TYRO3: variants seen among roughly 807,000 people sequenced by gnomAD.
TYRO3 encodes tyrosine-protein kinase receptor TYRO3.
In TYRO3, 38 loss-of-function variants were observed where a neutral mutation model predicts 95.2. The ratio of observed to expected loss-of-function variants is 0.40; its 90% CI spans 0.31 to 0.52. The LOEUF (loss-of-function observed/expected upper bound fraction) is 0.52. TYRO3 is among the 20% of genes least tolerant of loss of function. The pLI is 0.56. For synonymous variants in TYRO3, 367 were observed against 432.9 expected (o/e 0.85, Z 1.89); for missense variants, 812 against 1,116.4 (o/e 0.73, Z 3.89).
Position 41,573,715 on chromosome 15 carries a change from C to T in TYRO3, c.2182C>T (p.Arg728Cys), listed in dbSNP as rs148896634. The T allele has an allele frequency of 2.6e-5, 42 of 1,614,246 alleles. No individual in the cohort carries two copies. The highest frequency in any genetic ancestry group is 2.3e-4 in the Admixed American group (14 of 60,028). The change falls in exon 18 of 19, where the codon CGT becomes TGT. Residue 728 changes from arginine to cysteine, a missense_variant. Transcript: ENST00000263798. ...GGTGACCATGTGGGAGATCATGACA[C>T]GTGGGCAGACGCCATATGCTGGCAT... ...FGVTMWEIMT[R>C]GQTPYAGIEN...
In TYRO3 at chr15:41,580,655, G is replaced by A. The variant is rs966738709; in HGVS notation, c.*2379G>A. 5.4e-5 allele frequency: 8 copies of A among 147,512 alleles called. No homozygotes were observed. Among genetic ancestry groups the A allele is most frequent in the South Asian group, 2.1e-4 (1 of 4,696 alleles). 9.1% of individuals were successfully genotyped at this position (147,512 alleles called of 1,614,324 possible). On this transcript the variant is annotated 3_prime_UTR_variant, in exon 19 of 19. Coordinates refer to ENST00000263798, the MANE Select transcript of TYRO3 (RefSeq NM_006293.4). ...TTTTTTTTTTTTGAGACGGAGTCTC[G>A]AGTCTCTCTCTGTCGCCCAGGCTAG...
At position 41,562,601 on chromosome 15, in the gene TYRO3, C is replaced by A; in HGVS notation, c.463C>A (p.Pro155Thr). The change falls in exon 4 of 19, where the codon CCT becomes ACT. Residue 155 changes from proline (P) to threonine (T), a missense_variant. By Grantham distance (38) the Pro-to-Thr change is conservative. Coordinates refer to ENST00000263798, the MANE Select transcript of TYRO3 (RefSeq NM_006293.4). ...PKDLAVPPNA[P>T]FQLSCEAVGP... ...AGATCTGGCAGTGCCACCCAATGCCCCTTTCCAACTGTCTTGTGAGGCTGT... is the reference window on the plus strand; with the variant it reads ...AGATCTGGCAGTGCCACCCAATGCCACTTTCCAACTGTCTTGTGAGGCTGT... 6 of 1,613,712 alleles carry A rather than the reference C, an allele frequency of 3.7e-6. No individual in the cohort carries two copies. Among genetic ancestry groups the A allele is most frequent in the Non-Finnish European group, 5.1e-6 (6 of 1,180,052 alleles).
intron 17 of TYRO3, 100 bp downstream of exon 17, chr15:41,573,567 G>A: frequency 6.4e-7 from 1 of 1,568,278 alleles, no homozygotes; most frequent in African/African-American, 1.4e-5. Flanking sequence ...GGGTTTGGTT[G>A]CCCCCTGATG....
At chr15:41,575,725 T>C (rs1374931208) in intron 18 of TYRO3, among the ~76,000 whole-genome samples, 1 of 152,182 alleles carries the variant, frequency 6.6e-6, no homozygotes, top group Admixed American at 6.5e-5. Flanking sequence ...ATTAGGTTTT[T>C]GGTTTGTTAT....
At chr15:41,561,740 C>A in intron 3 of TYRO3, 101 bp downstream of exon 3, 3 of 874,752 alleles carry the variant, frequency 3.4e-6, no homozygotes, top group Non-Finnish European at 5.2e-6. Context: ...CTGGGCTGCC[C>A]CACTGCTCTG....
chr15:41,573,321 A>G lies in TYRO3; in HGVS notation c.1999A>G (p.Met667Val). 1.2e-6 allele frequency: 2 copies of G among 1,614,234 alleles called. No homozygotes were observed. Among genetic ancestry groups the G allele is most frequent in the Non-Finnish European group, 1.7e-6 (2 of 1,180,042 alleles). Residue 667 changes from methionine (M) to valine (V), a missense_variant, in exon 17 of 19, where the codon ATG (methionine) becomes GTG (valine). Met to Val is a conservative substitution (Grantham distance 21). Transcript: ENST00000263798. ...TGCCCCTTGTAGGCTGGCAGAGGAC[A>G]TGACAGTGTGTGTGGCTGACTTCGG... is the stretch of plus-strand genomic sequence containing the variant. ...AARNCMLAED[M>V]TVCVADFGLS...
chr15:41,564,760 C>T (rs2055700980), intron 5 of TYRO3: 1 of 477,418 alleles, frequency 2.1e-6, no homozygotes, highest in Admixed American at 3.3e-5. Flanking sequence ...CCCACATACC[C>T]TCTCATCTTA....
chr15:41,573,683 C>T lies in TYRO3; in HGVS notation c.2150C>T (p.Ala717Val). 5 of 1,614,236 alleles carry T rather than the reference C, an allele frequency of 3.1e-6. No individual in the cohort carries two copies. Among genetic ancestry groups the T allele is most frequent in the East Asian group, 2.2e-5 (1 of 44,892 alleles). The change falls in exon 18 of 19, where the codon GCG (alanine) becomes GTG (valine). Residue 717 changes from alanine (A) to valine (V), a missense_variant. Transcript: ENST00000263798. ...NLYTVQSDVWAFGVTMWEIMT... is the reference protein window; with the variant it reads ...NLYTVQSDVWVFGVTMWEIMT... Reference sequence around the variant, plus strand: ...CCAACCTCGATTCTGTCCCAGTGGGCGTTCGGGGTGACCATGTGGGAGATC... The same window carrying T: ...CCAACCTCGATTCTGTCCCAGTGGGTGTTCGGGGTGACCATGTGGGAGATC...
At chr15:41,566,426 C>A (rs1467118563) in intron 6 of TYRO3, among the ~76,000 whole-genome samples, 1 of 151,982 alleles carries the variant, frequency 6.6e-6, no homozygotes, top group Non-Finnish European at 1.5e-5. Flanking sequence ...AGAGGATATG[C>A]CCATCCAGAT....
In TYRO3 at chr15:41,581,465, T is replaced by C. The variant is rs1328762814; in HGVS notation, c.*3189T>C. 1 of 153,086 alleles carries C rather than the reference T, an allele frequency of 6.5e-6. No individual in the cohort carries two copies. The highest frequency in any genetic ancestry group is 1.5e-5 in the Non-Finnish European group (1 of 68,040). 9.5% of individuals were successfully genotyped at this position (153,086 alleles called of 1,614,324 possible). Reference sequence around the variant, plus strand: ...AAGTAGCTTTCAGAATCTTTCCTGCTGTGATTAGCTTTCACTGCAGGTAGT... The same window carrying C: ...AAGTAGCTTTCAGAATCTTTCCTGCCGTGATTAGCTTTCACTGCAGGTAGT... On this transcript the variant is annotated 3_prime_UTR_variant, in exon 19 of 19. Transcript: ENST00000263798.
intron 3 of TYRO3, chr15:41,562,219 C>T (rs1239218010): frequency 5.1e-5 from 11 of 215,988 alleles, no homozygotes; most frequent in African/African-American, 1.6e-4. Context: ...GGCATGGTGG[C>T]GTGTGCCTGT....
chr15:41,574,333 AGCCCTCG>A (rs1595505666), intron 18 of TYRO3, among the ~76,000 whole-genome samples: 1 of 152,258 alleles, frequency 6.6e-6, no homozygotes, highest in East Asian at 1.9e-4. Flanking sequence ...GCAAGCCCAA[AGCCCTCG>A]GGACTGGGCA....
chr15:41,571,223 C>G, intron 13 of TYRO3, 105 bp downstream of exon 13: 1 of 1,044,626 alleles, frequency 9.6e-7, no homozygotes, highest in South Asian at 1.4e-5. Flanking sequence ...CCAAGAAGAG[C>G]TGGGCAGCAC....
chr15:41,574,782 T>G (rs907116451), intron 18 of TYRO3: 3 of 453,250 alleles, frequency 6.6e-6, no homozygotes, highest in Admixed American at 4.7e-5. Flanking sequence ...TGCAGTGGCG[T>G]GATCTCTGCT....
At chr15:41,577,728 A>G (rs1028105898) in intron 18 of TYRO3, 158 bp from the exon 19 acceptor site, 1 of 678,082 alleles carries the variant, frequency 1.5e-6, no homozygotes, top group Non-Finnish European at 2.4e-6. Flanking sequence ...CTCAAATAAT[A>G]CCCCCCTTCG....
chr15:41,560,027 C>T (rs909693995), intron 1 of TYRO3, among the ~76,000 whole-genome samples: 1 of 152,160 alleles, frequency 6.6e-6, no homozygotes, highest in Non-Finnish European at 1.5e-5. Flanking sequence ...TCCAAGTTCC[C>T]ACCCCGCACC....
intron 7 of TYRO3, 110 bp downstream of exon 7, chr15:41,567,647 C>A (rs1012100723): frequency 9.6e-7 from 1 of 1,046,244 alleles, no homozygotes; most frequent in Non-Finnish European, 1.3e-6. Context: ...AGGCATCATT[C>A]GGCAAACATT....
Position 41,570,343 on chromosome 15 carries a change from G to A in TYRO3, c.1483+3G>A. On this transcript the variant is annotated splice_donor_region_variant and intron_variant, in intron 11 of 18. Transcript: ENST00000263798. ...GCCCGAGCGCATCGAGGCCACATGT[G>A]AGTGGTGGGTGATCGTGGGAAGGAC... The A allele has an allele frequency of 6.2e-7, 1 of 1,611,818 alleles. No homozygotes were observed. Among genetic ancestry groups the A allele is most frequent in the Non-Finnish European group, 8.5e-7 (1 of 1,178,102 alleles).
chr15:41,573,521 T>C (rs1284705359), intron 17 of TYRO3, 54 bp downstream of exon 17: 1 of 1,610,326 alleles, frequency 6.2e-7, no homozygotes, highest in Non-Finnish European at 8.5e-7. Context: ...AGCAGACCTT[T>C]AGGATCCTTA....
Sources: allele counts gnomAD v4.1 joint callset (sites outside exome capture counted in the v4.1 genomes callset), GRCh38; gene constraint gnomAD v4.1.1; transcripts MANE v1.5; gene names NCBI Gene and HGNC (gene_info 2026-07-23, HGNC 2026-07-21).